Variants in PTPRO observed in about 807,000 individuals in gnomAD.
The protein encoded by PTPRO is protein tyrosine phosphatase receptor type O.
In PTPRO, 62 loss-of-function variants were observed where a neutral mutation model predicts 145.2. The ratio of observed to expected loss-of-function variants is 0.43; its 90% CI spans 0.35 to 0.53. PTPRO has a LOEUF of 0.53. Ranked by LOEUF, PTPRO falls within the 20% of genes least tolerant of loss-of-function variation. PTPRO has a pLI of 0.01. For synonymous variants in PTPRO, 565 were observed against 514.7 expected (o/e 1.10, Z -1.32); for missense variants, 1,345 against 1,482.7 (o/e 0.91, Z 1.53).
chr12:15,389,935 A>G (rs1939143137), intron 1 of PTPRO, among the ~76,000 whole-genome samples: 1 of 152,184 alleles, frequency 6.6e-6, no homozygotes, highest in South Asian at 2.1e-4. Flanking sequence ...ATCCCACACC[A>G]AAGCAGAACA....
chr12:15,515,982 TTTTTG>T (rs1942570000), intron 8 of PTPRO, among the ~76,000 whole-genome samples: 1 of 132,470 alleles, frequency 7.5e-6, no homozygotes, highest in Non-Finnish European at 1.6e-5. Context: ...TCTGGTTTTT[TTTTTG>T]TTTTGTTTTT....
intron 7 of PTPRO, among the ~76,000 whole-genome samples, chr12:15,512,165 A>G (rs1236013264): frequency 2.0e-5 from 3 of 151,820 alleles, no homozygotes; most frequent in African/African-American, 7.3e-5. Context: ...CCCAGGCTGG[A>G]GTGCAGTGGC....
In PTPRO at chr12:15,569,319, T is replaced by G; in HGVS notation, c.2748-98T>G. On this transcript the variant is annotated intron_variant, in intron 18 of 26. Transcript: ENST00000281171. ...AACCTTAGAGAAGTAAAACTTCTAT[T>G]TTCTCCAAGAAGATTAAGAAGTATG... is the stretch of plus-strand genomic sequence containing the variant. 4 of 1,166,286 alleles carry G rather than the reference T, an allele frequency of 3.4e-6. No individual in the cohort carries two copies. The East Asian group carries it at 1.0e-4, about 30-fold the overall frequency. 72.2% of individuals were successfully genotyped at this position (1,166,286 alleles called of 1,614,324 possible).
At chr12:15,365,096 T>C (rs1938321523) in intron 1 of PTPRO, among the ~76,000 whole-genome samples, 1 of 152,168 alleles carries the variant, frequency 6.6e-6, no homozygotes, top group Non-Finnish European at 1.5e-5. Context: ...ACCATGTTCT[T>C]CTAATTTTTG....
At chr12:15,486,562 T>C (rs907640490) in intron 2 of PTPRO, among the ~76,000 whole-genome samples, 3 of 152,138 alleles carry the variant, frequency 2.0e-5, no homozygotes, top group African/African-American at 7.2e-5. Flanking sequence ...ACCTTATATG[T>C]AATAGTAGAT....
chr12:15,565,543 A>T (rs776268840), intron 17 of PTPRO, 50 bp from the exon 18 acceptor site: 2 of 1,206,796 alleles, frequency 1.7e-6, no homozygotes, highest in Non-Finnish European at 2.4e-6. Flanking sequence ...TTATTATGTT[A>T]ATCAATTCTT....
Position 15,589,534 on chromosome 12 carries a change from A to G in PTPRO, c.3490A>G (p.Ile1164Val). Reference protein sequence around the residue: ...QHIRDHEFVDILGLVSEMRSY... With the variant: ...QHIRDHEFVDVLGLVSEMRSY... Reference sequence around the variant, plus strand: ...CATTCGGGATCATGAGTTTGTTGACATCTTAGGGCTGGTGTCAGAAATGAG... The same window carrying G: ...CATTCGGGATCATGAGTTTGTTGACGTCTTAGGGCTGGTGTCAGAAATGAG... The change falls in exon 25 of 27, where the codon ATC (isoleucine) becomes GTC (valine). Residue 1164 changes from isoleucine to valine, a missense_variant. Ile to Val is a conservative substitution (Grantham distance 29). Transcript: ENST00000281171. 1.2e-6 allele frequency: 2 copies of G among 1,614,132 alleles called. No homozygotes were observed. Among genetic ancestry groups the G allele is most frequent in the Non-Finnish European group, 8.5e-7 (1 of 1,180,006 alleles).
chr12:15,591,695 T>C (rs1944556354), intron 25 of PTPRO, among the ~76,000 whole-genome samples: 1 of 151,986 alleles, frequency 6.6e-6, no homozygotes, highest in Non-Finnish European at 1.5e-5. Context: ...AAACCCCTTC[T>C]CTACTAAAAA....
chr12:15,534,358 A>G (rs1455241140), intron 12 of PTPRO, among the ~76,000 whole-genome samples: 1 of 152,232 alleles, frequency 6.6e-6, no homozygotes. Flanking sequence ...GCTCTCTGGT[A>G]ATAGAATATC....
At chr12:15,419,723 T>C (rs1940081921) in intron 1 of PTPRO, among the ~76,000 whole-genome samples, 1 of 148,600 alleles carries the variant, frequency 6.7e-6, no homozygotes, top group South Asian at 2.1e-4. Context: ...ACGTCAAAGC[T>C]AGTTCTTTGG....
rs535634071 is a variant in PTPRO at position 15,402,164 on chromosome 12, C to A, written c.75+79363C>A. On this transcript the variant is annotated intron_variant, in intron 1 of 26. Transcript: ENST00000281171. ...CAGCACTTTGGGAGGCTGAGGCAGGCGGATCATGAGGCCAGGAGATCGAGA... is the reference window on the plus strand; with the variant it reads ...CAGCACTTTGGGAGGCTGAGGCAGGAGGATCATGAGGCCAGGAGATCGAGA... Among the ~76,000 whole-genome samples, 8 of 152,036 alleles carry A rather than the reference C, an allele frequency of 5.3e-5. 1 individual carries two copies. The highest frequency in any genetic ancestry group is 1.3e-4 in the Admixed American group (2 of 15,278).
rs139112548 is a variant in PTPRO at position 15,559,482 on chromosome 12, T to A, written c.2628-711T>A. ...GTTTGAATATCTGAAACCAGGCATT[T>A]AAATCAACAGTCTGAATTAGAATTG... On this transcript the variant is annotated intron_variant, in intron 16 of 26. Transcript: ENST00000281171. Among the ~76,000 whole-genome samples the A allele has an allele frequency of 4.6e-3, 700 of 152,288 alleles. 3 individuals carry two copies. The highest frequency in any genetic ancestry group is 6.7e-3 in the Non-Finnish European group (457 of 68,020).
chr12:15,340,716 C>A (rs543614758), intron 1 of PTPRO, among the ~76,000 whole-genome samples: 2 of 152,020 alleles, frequency 1.3e-5, no homozygotes, highest in Admixed American at 6.6e-5. Context: ...TTATGGTCAA[C>A]GTTAGAAGCA....
chr12:15,522,464 A>G (rs1489690719), intron 10 of PTPRO, among the ~76,000 whole-genome samples: 1 of 152,056 alleles, frequency 6.6e-6, no homozygotes, highest in African/African-American at 2.4e-5. Context: ...CTTATAACAA[A>G]CATTCATAAC....
chr12:15,590,911 A>G (rs187241853), intron 25 of PTPRO, among the ~76,000 whole-genome samples: 236 of 152,306 alleles, frequency 1.5e-3, no homozygotes, highest in Non-Finnish European at 1.6e-3. Context: ...TAATCGGTCC[A>G]TATTTTTGGC....
At chr12:15,547,120 A>G (rs563174744) in intron 13 of PTPRO, among the ~76,000 whole-genome samples, 2 of 152,360 alleles carry the variant, frequency 1.3e-5, no homozygotes, top group East Asian at 3.8e-4. Flanking sequence ...TAGACATTGC[A>G]TAAGTATAGA....
intron 12 of PTPRO, among the ~76,000 whole-genome samples, chr12:15,540,800 A>C (rs1591705906): frequency 6.6e-6 from 1 of 152,320 alleles, no homozygotes; most frequent in East Asian, 1.9e-4. Flanking sequence ...TGAGCCTCTC[A>C]TAATCCAATC....
rs1011281339 is a variant in PTPRO at position 15,502,538 on chromosome 12, G to T, written c.1105+475G>T. 2.0e-5 allele frequency among the ~76,000 whole-genome samples: 3 copies of T among 152,146 alleles called. No individual in the cohort carries two copies. In the East Asian group the frequency reaches 5.8e-4, roughly 29 times the overall value. ...TGTGTCCTGCTAACCAGCCGCTCTT[G>T]TTCCCTTTAGGGTGCGCCCCTCTAG... On this transcript the variant is annotated intron_variant, in intron 5 of 26. Coordinates refer to ENST00000281171, the MANE Select transcript of PTPRO (RefSeq NM_030667.3).
chr12:15,521,525 C>G (rs1565682077), intron 10 of PTPRO, among the ~76,000 whole-genome samples: 2 of 152,162 alleles, frequency 1.3e-5, no homozygotes, highest in African/African-American at 4.8e-5. Context: ...TGAGAATGCT[C>G]TTTCCTTCTC....
Sources: allele counts gnomAD v4.1 joint callset (sites outside exome capture counted in the v4.1 genomes callset), GRCh38; gene constraint gnomAD v4.1.1; transcripts MANE v1.5; gene names NCBI Gene and HGNC (gene_info 2026-07-23, HGNC 2026-07-21).